The following FTO variants were observed in gnomAD, a reference collection of about 807,000 sequenced individuals.
FTO encodes FTO alpha-ketoglutarate dependent dioxygenase, also known as alpha-ketoglutarate-dependent dioxygenase FTO.
FTO carries 47 observed loss-of-function variants against 63.9 expected under a neutral mutation model. That is an observed-to-expected ratio of 0.74 (90% CI 0.58 to 0.94). The LOEUF is 0.94. FTO is among the 40% of genes least tolerant of loss of function. The pLI, the probability that FTO is intolerant of heterozygous loss-of-function variation, is 0.00. For synonymous variants in FTO, 207 were observed against 224.4 expected (o/e 0.92, Z 0.69); for missense variants, 562 against 618.1 (o/e 0.91, Z 0.96).
At chr16:53,898,011 A>G (rs564986993) in intron 7 of FTO, among the ~76,000 whole-genome samples, 1 of 152,302 alleles carries the variant, frequency 6.6e-6, no homozygotes, top group African/African-American at 2.4e-5. Context: ...CATCGTTTAT[A>G]AAATAGCCTC....
intron 8 of FTO, among the ~76,000 whole-genome samples, chr16:53,947,415 A>G (rs1048844887): frequency 2.0e-5 from 3 of 152,212 alleles, no homozygotes; most frequent in African/African-American, 7.2e-5. Flanking sequence ...AGTGTGAGAT[A>G]GATAACTCTA....
intron 4 of FTO, among the ~76,000 whole-genome samples, chr16:53,847,851 C>G (rs1347353324): frequency 1.3e-5 from 2 of 151,386 alleles, no homozygotes; most frequent in Non-Finnish European, 2.9e-5. Flanking sequence ...AATGAGTATA[C>G]ACTGTAAAAT....
At chr16:54,100,422 GGCT>G (rs2086614854) in intron 8 of FTO, among the ~76,000 whole-genome samples, 1 of 152,058 alleles carries the variant, frequency 6.6e-6, no homozygotes, top group Non-Finnish European at 1.5e-5. Flanking sequence ...GCACAATCAC[GGCT>G]CACTGTACCT....
At chr16:53,859,926 C>G (rs1368059171) in intron 4 of FTO, among the ~76,000 whole-genome samples, 2 of 152,156 alleles carry the variant, frequency 1.3e-5, no homozygotes, top group Non-Finnish European at 2.9e-5. Flanking sequence ...CCCAGCGATT[C>G]TACTTTGGTA....
intron 4 of FTO, among the ~76,000 whole-genome samples, chr16:53,856,275 C>T (rs2079989430): frequency 6.6e-6 from 1 of 151,854 alleles, no homozygotes; most frequent in Non-Finnish European, 1.5e-5. Flanking sequence ...TAGTCAGTCC[C>T]AGCAGCACGT....
chr16:53,858,454 T>G (rs914889836), intron 4 of FTO, among the ~76,000 whole-genome samples: 10 of 152,162 alleles, frequency 6.6e-5, no homozygotes, highest in Admixed American at 2.0e-4. Flanking sequence ...TTTGTAAATC[T>G]TCCCCAAAAT....
At chr16:53,793,962 A>G (rs2077992680) in intron 1 of FTO, among the ~76,000 whole-genome samples, 1 of 152,248 alleles carries the variant, frequency 6.6e-6, no homozygotes, top group African/African-American at 2.4e-5. Context: ...CAAAGTCACA[A>G]ACATATTAAA....
chr16:53,930,751 T>C (rs2082262003), intron 7 of FTO, among the ~76,000 whole-genome samples: 1 of 152,218 alleles, frequency 6.6e-6, no homozygotes, highest in Non-Finnish European at 1.5e-5. Context: ...TTTAGGAAAC[T>C]CTTGAACTTC....
chr16:54,104,185 C>T (rs2086697328), intron 8 of FTO, among the ~76,000 whole-genome samples: 1 of 152,098 alleles, frequency 6.6e-6, no homozygotes, highest in Non-Finnish European at 1.5e-5. Flanking sequence ...TCTCACGCTC[C>T]CTTTAAAGCA....
Position 53,941,917 on chromosome 16 carries a change from C to G in FTO, c.1364+7808C>G, listed in dbSNP as rs893012449. ...CTATCTCTTCCATTTGAATAATGCC[C>G]TCTATCAAAGGACCTCATTGCCTGT... is the stretch of plus-strand genomic sequence containing the variant. On this transcript the variant is annotated intron_variant, in intron 8 of 8. Transcript: ENST00000471389. Among the ~76,000 whole-genome samples, 6 of 152,312 alleles carry G rather than the reference C, an allele frequency of 3.9e-5. No individual in the cohort carries two copies. The East Asian group carries it at 1.2e-3, about 29-fold the overall frequency.
At chr16:54,054,620 A>G (rs987403139) in intron 8 of FTO, 4 of 152,192 alleles carry the variant, frequency 2.6e-5, no homozygotes, top group Non-Finnish European at 4.4e-5. Context: ...CCGGTAGTCC[A>G]GATTTGTAAG....
chr16:53,729,520 A>G (rs2076226477), intron 1 of FTO, among the ~76,000 whole-genome samples: 2 of 149,484 alleles, frequency 1.3e-5, no homozygotes, highest in African/African-American at 5.0e-5. Context: ...AAAAAAAAGT[A>G]AAATGACCGT....
intron 1 of FTO, among the ~76,000 whole-genome samples, chr16:53,768,185 A>G (rs1687008474): frequency 6.6e-6 from 1 of 152,128 alleles, no homozygotes; most frequent in Non-Finnish European, 1.5e-5. Context: ...AGCTTGTTTT[A>G]TGTCTTTTCT....
intron 8 of FTO, among the ~76,000 whole-genome samples, chr16:54,030,733 C>A (rs1358269617): frequency 6.6e-6 from 1 of 152,106 alleles, no homozygotes; most frequent in Non-Finnish European, 1.5e-5. Context: ...AGTATACTAT[C>A]TGTTAGGGAA....
At chr16:53,950,155 T>TAA (rs57925273) in intron 8 of FTO, among the ~76,000 whole-genome samples, 2,542 of 50,534 alleles carry the variant, frequency 0.05, 245 homozygotes, top group African/African-American at 0.13. Flanking sequence ...TTCACATTTG[T>TAA]AAAAAAAAAA....
intron 8 of FTO, chr16:54,054,403 T>G (rs1288570204): frequency 6.6e-6 from 1 of 152,186 alleles, no homozygotes; most frequent in Non-Finnish European, 1.5e-5. Flanking sequence ...GTGTGTGTGT[T>G]CACCACACTT....
chr16:53,954,166 G>C (rs1332761467), intron 8 of FTO, among the ~76,000 whole-genome samples: 1 of 152,176 alleles, frequency 6.6e-6, no homozygotes, highest in Admixed American at 6.5e-5. Flanking sequence ...AATATAAAAA[G>C]ACAAGGGGAA....
chr16:54,062,605 C>A (rs1311770228), intron 8 of FTO, among the ~76,000 whole-genome samples: 1 of 152,150 alleles, frequency 6.6e-6, no homozygotes, highest in Non-Finnish European at 1.5e-5. Context: ...CATTAGCCAG[C>A]TCTACCTGCA....
intron 8 of FTO, among the ~76,000 whole-genome samples, chr16:53,975,035 G>GTA (rs1342562599): frequency 2.6e-5 from 4 of 151,788 alleles, no homozygotes; most frequent in South Asian, 2.1e-4. Flanking sequence ...GTTTTTATAT[G>GTA]TATATATATA....
Sources: allele counts gnomAD v4.1 joint callset (sites outside exome capture counted in the v4.1 genomes callset), GRCh38; gene constraint gnomAD v4.1.1; transcripts MANE v1.5; gene names NCBI Gene and HGNC (gene_info 2026-07-23, HGNC 2026-07-21).